PREX2: variants seen among roughly 807,000 people sequenced by gnomAD.
The protein encoded by PREX2 is phosphatidylinositol-3,4,5-trisphosphate dependent Rac exchange factor 2.
PREX2 carries 107 observed loss-of-function variants against 203.2 expected under a neutral mutation model. The ratio of observed to expected loss-of-function variants is 0.53; its 90% CI spans 0.45 to 0.62. The LOEUF (loss-of-function observed/expected upper bound fraction) is 0.62. Ranked by LOEUF, PREX2 falls within the 20% of genes least tolerant of loss-of-function variation. PREX2 has a pLI of 0.00. For missense variants in PREX2, 1,777 were observed against 1,955.9 expected, an observed-to-expected ratio of 0.91 and a Z score of 1.72; for synonymous variants, 672 against 663.6, an observed-to-expected ratio of 1.01 and a Z score of -0.19.
intron 15 of PREX2, 72 bp downstream of exon 15, chr8:68,077,541 A>G: frequency 2.2e-5 from 24 of 1,067,076 alleles, no homozygotes; most frequent in Non-Finnish European, 3.4e-5. Flanking sequence ...TGCAACACCC[A>G]GTGCTGCAGT....
chr8:68,066,280 G>C (rs913838324), intron 11 of PREX2, among the ~76,000 whole-genome samples: 8 of 151,958 alleles, frequency 5.3e-5, no homozygotes, highest in African/African-American at 1.9e-4. Flanking sequence ...TCTATTTTTA[G>C]CTTTTTGAGG....
At chr8:68,144,946 A>T (rs1254451553) in intron 33 of PREX2, among the ~76,000 whole-genome samples, 1 of 152,178 alleles carries the variant, frequency 6.6e-6, no homozygotes, top group Admixed American at 6.6e-5. Flanking sequence ...TCCATTTGTT[A>T]GCATAGAGGT....
At position 68,236,344 on chromosome 8, in the gene PREX2, A is replaced by G. The variant is rs1349187454; in HGVS notation, c.*4966A>G. 1 of 152,226 alleles carries G rather than the reference A, an allele frequency of 6.6e-6. No individual in the cohort carries two copies. Among genetic ancestry groups the G allele is most frequent in the Non-Finnish European group, 1.5e-5 (1 of 68,026 alleles). 9.4% of individuals were successfully genotyped at this position (152,226 alleles called of 1,614,324 possible). A position where few individuals can be genotyped will look rare whatever the true frequency, so the allele number is the denominator to read the frequency against. ...ATAAATGCTATCTGATCAAGCATTC[A>G]TCCGAAAAATGTTTTTGAGAATTCA... On this transcript the variant is annotated 3_prime_UTR_variant, in exon 40 of 40. Coordinates refer to ENST00000288368, the MANE Select transcript of PREX2 (RefSeq NM_024870.4).
At chr8:68,052,845 T>C (rs990634559) in intron 8 of PREX2, among the ~76,000 whole-genome samples, 10 of 152,218 alleles carry the variant, frequency 6.6e-5, no homozygotes, top group Non-Finnish European at 1.0e-4. Context: ...GTTAATTAGT[T>C]TGTAGTGTTT....
chr8:68,208,390 A>C (rs1812680267), intron 37 of PREX2, among the ~76,000 whole-genome samples: 1 of 152,172 alleles, frequency 6.6e-6, no homozygotes. Flanking sequence ...CAATAATTTT[A>C]ATCCTGACCA....
chr8:68,197,822 A>G lies in PREX2; in HGVS notation c.4604+5297A>G, dbSNP rs537135597. Reference sequence around the variant, plus strand: ...TATGCTATATATATGCTACATATATACATATAAAATGAGCACATAGACTTT... The same window carrying G: ...TATGCTATATATATGCTACATATATGCATATAAAATGAGCACATAGACTTT... On this transcript the variant is annotated intron_variant, in intron 37 of 39. Coordinates refer to ENST00000288368, the MANE Select transcript of PREX2 (RefSeq NM_024870.4). Among the ~76,000 whole-genome samples the G allele has an allele frequency of 2.0e-5, 3 of 149,380 alleles. No homozygotes were observed. The South Asian group carries it at 6.3e-4, about 31-fold the overall frequency.
At position 68,220,606 on chromosome 8, in the gene PREX2, G is replaced by A. The variant is rs552777500; in HGVS notation, c.4707+2888G>A. On this transcript the variant is annotated intron_variant, in intron 38 of 39. Coordinates refer to ENST00000288368, the MANE Select transcript of PREX2 (RefSeq NM_024870.4). Reference sequence around the variant, plus strand: ...TCCAAAGGAAAATCACCATGCCACGGGCACAAGCAAGCAAGTTTCTCCAGG... The same window carrying A: ...TCCAAAGGAAAATCACCATGCCACGAGCACAAGCAAGCAAGTTTCTCCAGG... 6.6e-5 allele frequency among the ~76,000 whole-genome samples: 10 copies of A among 152,080 alleles called. No individual in the cohort carries two copies. In the South Asian group the frequency reaches 1.7e-3, roughly 25 times the overall value.
chr8:68,187,188 C>A (rs1812207479), intron 35 of PREX2, among the ~76,000 whole-genome samples: 1 of 152,144 alleles, frequency 6.6e-6, no homozygotes, highest in Non-Finnish European at 1.5e-5. Context: ...TTTAGAAGAG[C>A]TGCACCTAGT....
intron 3 of PREX2, among the ~76,000 whole-genome samples, chr8:68,020,942 G>A (rs1807550391): frequency 6.6e-6 from 1 of 152,086 alleles, no homozygotes; most frequent in Admixed American, 6.5e-5. Flanking sequence ...TTTTCTGCTG[G>A]TTATATAAAG....
intron 37 of PREX2, among the ~76,000 whole-genome samples, chr8:68,204,923 C>T (rs1386828321): frequency 1.3e-5 from 2 of 151,684 alleles, no homozygotes; most frequent in African/African-American, 4.8e-5. Context: ...CCTCGTGATC[C>T]GCCCGCCTCG....
intron 37 of PREX2, among the ~76,000 whole-genome samples, chr8:68,214,343 C>T (rs757701956): frequency 5.3e-5 from 8 of 152,074 alleles, no homozygotes; most frequent in Non-Finnish European, 2.9e-5. Context: ...GAAGCTGCAG[C>T]GAGTTGGGAT....
At chr8:68,216,968 CAA>C (rs59972334) in intron 37 of PREX2, among the ~76,000 whole-genome samples, 29,073 of 112,982 alleles carry the variant, frequency 0.26, 3,718 homozygotes, top group East Asian at 0.64. Context: ...CTCAAAAAAA[CAA>C]AAAAAAAAAA....
At chr8:68,036,224 G>T (rs1439547951) in intron 6 of PREX2, among the ~76,000 whole-genome samples, 2 of 152,170 alleles carry the variant, frequency 1.3e-5, no homozygotes, top group African/African-American at 4.8e-5. Context: ...CGGTTTGATT[G>T]ATTGTAGCAG....
At chr8:68,198,497 G>T (rs1812442807) in intron 37 of PREX2, among the ~76,000 whole-genome samples, 1 of 152,110 alleles carries the variant, frequency 6.6e-6, no homozygotes, top group South Asian at 2.1e-4. Flanking sequence ...ATTTCTTATT[G>T]CAGCATCCTT....
chr8:68,231,476 G>GTT lies in PREX2; in HGVS notation c.*98_*99insTT. 6.2e-6 allele frequency: 4 copies of GTT among 643,680 alleles called. No homozygotes were observed. The highest frequency in any genetic ancestry group is 6.9e-5 in the South Asian group (2 of 29,070). 39.9% of individuals were successfully genotyped at this position (643,680 alleles called of 1,614,324 possible). On this transcript the variant is annotated 3_prime_UTR_variant, in exon 40 of 40. Transcript: ENST00000288368. ...CATTCTCCACTGAAGATACATCAATGCTTTTTTTTTTTTTTTTTTCTGTAA... is the reference window on the plus strand; with the variant it reads ...CATTCTCCACTGAAGATACATCAATGTTCTTTTTTTTTTTTTTTTTTCTGTAA...
Position 68,137,363 on chromosome 8 carries a change from G to A in PREX2, c.3985-1052G>A, listed in dbSNP as rs535734027. ...GCTCACTGCAGCCTCAACCTCCTGC[G>A]CTCAAGTGATCTTCCCACTTCAGCC... On this transcript the variant is annotated intron_variant, in intron 32 of 39. Coordinates refer to ENST00000288368, the MANE Select transcript of PREX2 (RefSeq NM_024870.4). 3.9e-5 allele frequency among the ~76,000 whole-genome samples: 6 copies of A among 152,142 alleles called. No homozygotes were observed. The East Asian group carries it at 7.7e-4, about 20-fold the overall frequency.
intron 1 of PREX2, among the ~76,000 whole-genome samples, chr8:67,965,515 G>GTA (rs34032003): frequency 0.37 from 56,158 of 150,206 alleles, 10,620 homozygotes; most frequent in East Asian, 0.6. Flanking sequence ...ATATGTGTGT[G>GTA]TATATATATA....
At chr8:68,045,786 C>T (rs1808335313) in intron 8 of PREX2, among the ~76,000 whole-genome samples, 2 of 152,080 alleles carry the variant, frequency 1.3e-5, no homozygotes, top group Non-Finnish European at 2.9e-5. Context: ...GACTGTAATG[C>T]AGTTGCAGAT....
chr8:68,185,271 G>T (rs538702120), intron 35 of PREX2, among the ~76,000 whole-genome samples: 1 of 151,412 alleles, frequency 6.6e-6, no homozygotes, highest in African/African-American at 2.4e-5. Context: ...ACAAATCTTT[G>T]GTTTGATATT....
Sources: gnomAD v4.1 joint callset for allele counts (sites outside exome capture counted in the v4.1 genomes callset) on GRCh38, gnomAD v4.1.1 for gene constraint, MANE v1.5 for transcripts, NCBI Gene and HGNC (gene_info 2026-07-23, HGNC 2026-07-21) for gene names.